Variants in CNTNAP2 observed in about 807,000 individuals in gnomAD.
CNTNAP2 encodes the protein contactin-associated protein-like 2.
Under a neutral mutation model 155.2 loss-of-function variants are expected in CNTNAP2, and 98 were observed. The ratio of observed to expected loss-of-function variants is 0.63; its 90% CI spans 0.54 to 0.75. CNTNAP2 has a LOEUF of 0.75. Ranked by LOEUF, CNTNAP2 falls within the 30% of genes least tolerant of loss-of-function variation. The pLI, the probability that CNTNAP2 is intolerant of heterozygous loss-of-function variation, is 0.00. For synonymous variants in CNTNAP2, 651 were observed against 631.2 expected, an observed-to-expected ratio of 1.03 and a Z score of -0.47; for missense variants, 1,727 against 1,688.1, an observed-to-expected ratio of 1.02 and a Z score of -0.40.
intron 4 of CNTNAP2, among the ~76,000 whole-genome samples, chr7:147,076,091 T>C (rs1198263707): frequency 6.6e-6 from 1 of 151,972 alleles, no homozygotes; most frequent in Non-Finnish European, 1.5e-5. Context: ...GCAGTAAACA[T>C]ACGTGTGCAA....
intron 1 of CNTNAP2, among the ~76,000 whole-genome samples, chr7:146,459,534 C>A (rs921706859): frequency 6.6e-6 from 1 of 152,148 alleles, no homozygotes; most frequent in Admixed American, 6.6e-5. Context: ...TGCAAATTTA[C>A]CCAAGCCTAT....
intron 1 of CNTNAP2, among the ~76,000 whole-genome samples, chr7:146,466,242 G>A (rs1017029663): frequency 4.6e-5 from 7 of 152,102 alleles, no homozygotes; most frequent in East Asian, 1.9e-4. Flanking sequence ...AGGATGCACC[G>A]GGTCAGAGGA....
At chr7:146,707,277 G>A (rs1420715408) in intron 1 of CNTNAP2, among the ~76,000 whole-genome samples, 1 of 151,950 alleles carries the variant, frequency 6.6e-6, no homozygotes, top group African/African-American at 2.4e-5. Context: ...TTCTATTCAC[G>A]GCCACCTCTT....
chr7:146,777,489 T>A (rs1024390438), intron 2 of CNTNAP2, among the ~76,000 whole-genome samples: 1 of 152,032 alleles, frequency 6.6e-6, no homozygotes, highest in Non-Finnish European at 1.5e-5. Context: ...TCAAGGGAAC[T>A]AGCATGAGAA....
At chr7:146,405,212 G>C (rs1433643530) in intron 1 of CNTNAP2, among the ~76,000 whole-genome samples, 1 of 152,154 alleles carries the variant, frequency 6.6e-6, no homozygotes, top group Non-Finnish European at 1.5e-5. Context: ...GCCCTGTCCT[G>C]ATGGTAATTT....
chr7:147,375,922 G>C lies in CNTNAP2; in HGVS notation c.1499-19687G>C, dbSNP rs112772917. Among the ~76,000 whole-genome samples, 272 of 152,082 alleles carry C rather than the reference G, an allele frequency of 1.8e-3. 1 individual carries two copies. Among genetic ancestry groups the C allele is most frequent in the African/African-American group, 6.3e-3 (261 of 41,526 alleles). On this transcript the variant is annotated intron_variant, in intron 9 of 23. Transcript: ENST00000361727. ...TTGAGCCAGCAGTTCTTCCAGGTTTGTGATTCACAGATACCCTGGAAGAAT... is the reference window on the plus strand; with the variant it reads ...TTGAGCCAGCAGTTCTTCCAGGTTTCTGATTCACAGATACCCTGGAAGAAT...
rs564608594 is a variant in CNTNAP2 at position 146,976,795 on chromosome 7, G to T, written c.403-67112G>T. On this transcript the variant is annotated intron_variant, in intron 3 of 23. Transcript: ENST00000361727. ...GTATAGTCCTCATAGACTGGGTAGC[G>T]AAACCCGGCAAAGCCTGTCTGTTCT... Among the ~76,000 whole-genome samples, 30 of 152,254 alleles carry T rather than the reference G, an allele frequency of 2.0e-4. 1 individual carries two copies. The South Asian group carries it at 6.2e-3, about 32-fold the overall frequency.
At chr7:148,300,094 G>T (rs1468888427) in intron 21 of CNTNAP2, among the ~76,000 whole-genome samples, 1 of 152,158 alleles carries the variant, frequency 6.6e-6, no homozygotes, top group African/African-American at 2.4e-5. Flanking sequence ...GTATGGAAAT[G>T]GAAAAGGGAA....
intron 12 of CNTNAP2, among the ~76,000 whole-genome samples, chr7:147,592,443 A>C (rs571977608): frequency 6.6e-6 from 1 of 150,934 alleles, no homozygotes; most frequent in African/African-American, 2.4e-5. Flanking sequence ...AATTACTAAA[A>C]ATAATACACT....
chr7:146,867,781 C>CTT (rs1457866004), intron 3 of CNTNAP2, among the ~76,000 whole-genome samples: 2 of 150,734 alleles, frequency 1.3e-5, no homozygotes, highest in African/African-American at 4.9e-5. Context: ...GTGATAGTGA[C>CTT]TTTTTTTTTT....
intron 1 of CNTNAP2, among the ~76,000 whole-genome samples, chr7:146,391,209 T>C (rs1263709659): frequency 6.6e-6 from 1 of 151,262 alleles, no homozygotes; most frequent in Non-Finnish European, 1.5e-5. Context: ...TGATGCCTGC[T>C]TCTTGATTGA....
At chr7:147,631,269 C>T (rs1795080780) in intron 12 of CNTNAP2, among the ~76,000 whole-genome samples, 2 of 151,974 alleles carry the variant, frequency 1.3e-5, no homozygotes, top group Admixed American at 1.3e-4. Context: ...AGGACTATAC[C>T]TAACCAAGGA....
chr7:147,083,354 A>G (rs1800179497), intron 4 of CNTNAP2: 1 of 151,906 alleles, frequency 6.6e-6, no homozygotes, highest in Non-Finnish European at 1.5e-5. Flanking sequence ...AACGTTTGGA[A>G]TATGGGGAAC....
intron 11 of CNTNAP2, among the ~76,000 whole-genome samples, chr7:147,534,656 TTTTAAAG>T (rs1319995861): frequency 3.9e-5 from 6 of 152,296 alleles, no homozygotes; most frequent in Admixed American, 3.9e-4. Context: ...AAGATGGGAC[TTTTAAAG>T]TTTAAAGTGG....
chr7:146,543,397 C>G (rs1797982797), intron 1 of CNTNAP2, among the ~76,000 whole-genome samples: 1 of 151,742 alleles, frequency 6.6e-6, no homozygotes, highest in African/African-American at 2.4e-5. Context: ...CAAGAACATT[C>G]CCTCATTCCC....
chr7:147,870,590 C>T (rs1799309972), intron 13 of CNTNAP2, among the ~76,000 whole-genome samples: 1 of 152,192 alleles, frequency 6.6e-6, no homozygotes, highest in Non-Finnish European at 1.5e-5. Context: ...AGAAAACATG[C>T]TCAACCCCAA....
chr7:148,382,734 G>A (rs895359780), intron 21 of CNTNAP2, among the ~76,000 whole-genome samples: 8 of 152,196 alleles, frequency 5.3e-5, no homozygotes, highest in Admixed American at 1.3e-4. Flanking sequence ...CAATCGCAGT[G>A]CTGCCGCTGG....
chr7:147,756,342 A>T (rs1467548152), intron 13 of CNTNAP2, among the ~76,000 whole-genome samples: 1 of 129,288 alleles, frequency 7.7e-6, no homozygotes, highest in Non-Finnish European at 1.6e-5. Flanking sequence ...TAAGGAAATG[A>T]TAGCAAGTCT....
chr7:147,193,117 T>C (rs751002218), intron 8 of CNTNAP2, among the ~76,000 whole-genome samples: 4 of 152,232 alleles, frequency 2.6e-5, no homozygotes, highest in Non-Finnish European at 5.9e-5. Context: ...AGTAGTTAAT[T>C]ACTCGTTGCT....
Sources: gnomAD v4.1 joint callset for allele counts (sites outside exome capture counted in the v4.1 genomes callset) on GRCh38, gnomAD v4.1.1 for gene constraint, MANE v1.5 for transcripts, NCBI Gene and HGNC (gene_info 2026-07-23, HGNC 2026-07-21) for gene names.